Variants in MTSS1 observed in about 807,000 individuals in gnomAD.
The protein encoded by MTSS1 is MTSS I-BAR domain containing 1, also known as protein MTSS 1.
Under a neutral mutation model 79.0 loss-of-function variants are expected in MTSS1, and 18 were observed. That is an observed-to-expected ratio of 0.23 (90% CI 0.16 to 0.34). The LOEUF (loss-of-function observed/expected upper bound fraction) is 0.34, where lower values mean the gene tolerates loss of function less well. Among genes scored for constraint, MTSS1 ranks in the 10% least tolerant of loss-of-function variants. MTSS1 has a pLI of 1.00. For synonymous variants in MTSS1, 341 were observed against 368.6 expected (o/e 0.93, Z 0.86); for missense variants, 815 against 986.2 (o/e 0.83, Z 2.33).
intron 3 of MTSS1, among the ~76,000 whole-genome samples, chr8:124,632,563 G>C (rs761563680): frequency 5.9e-5 from 9 of 152,132 alleles, no homozygotes; most frequent in Non-Finnish European, 1.0e-4. Context: ...CCAGCCAAAG[G>C]GTTGTTGTCA....
rs539245801 is a variant in MTSS1, at chr8:124,668,032, G to A, written c.208+31494C>T. 5.9e-5 allele frequency among the ~76,000 whole-genome samples: 9 copies of A among 152,184 alleles called. No homozygotes were observed. In the East Asian group the frequency reaches 1.2e-3, roughly 20 times the overall value. Reference sequence around the variant, plus strand: ...GAGTTCAGAGGGTCAAGGCTGCAGTGAGCCATGATCGCGCCACTGCACTCC... The same window carrying A: ...GAGTTCAGAGGGTCAAGGCTGCAGTAAGCCATGATCGCGCCACTGCACTCC... On this transcript the variant is annotated intron_variant, in intron 3 of 13. Coordinates refer to ENST00000518547, the MANE Select transcript of MTSS1 (RefSeq NM_014751.6).
intron 9 of MTSS1, chr8:124,563,349 T>G: frequency 3.4e-6 from 1 of 293,570 alleles, no homozygotes; most frequent in Non-Finnish European, 6.5e-6. Context: ...CGAGGGGAGC[T>G]GATGTCAGTA....
At chr8:124,555,971 G>T in intron 12 of MTSS1, 67 bp from the exon 13 acceptor site, 1 of 1,577,876 alleles carries the variant, frequency 6.3e-7, no homozygotes, top group Non-Finnish European at 8.6e-7. Context: ...CTCCTGTTCT[G>T]CCCCCGTGAG....
chr8:124,629,519 A>G (rs1015713236), intron 3 of MTSS1, among the ~76,000 whole-genome samples: 5 of 151,302 alleles, frequency 3.3e-5, no homozygotes, highest in African/African-American at 9.7e-5. Flanking sequence ...AAAAAAAAAA[A>G]AAAAAAAGAA....
At chr8:124,691,407 G>T (rs934601663) in intron 3 of MTSS1, among the ~76,000 whole-genome samples, 5 of 152,150 alleles carry the variant, frequency 3.3e-5, no homozygotes, top group African/African-American at 4.8e-5. Context: ...TGTACTTTAT[G>T]TAAGATTGAG....
intron 3 of MTSS1, among the ~76,000 whole-genome samples, chr8:124,642,623 AC>A (rs1214588021): frequency 6.6e-6 from 1 of 150,972 alleles, no homozygotes; most frequent in Non-Finnish European, 1.5e-5. Flanking sequence ...GATGAGTTTC[AC>A]TCTTGTTGCC....
chr8:124,702,426 G>A (rs896509284), intron 2 of MTSS1, among the ~76,000 whole-genome samples: 4 of 152,174 alleles, frequency 2.6e-5, no homozygotes, highest in African/African-American at 9.7e-5. Context: ...AAGAGCTTAA[G>A]CAGGGCTTAA....
At chr8:124,618,486 C>T (rs1812838194) in intron 3 of MTSS1, among the ~76,000 whole-genome samples, 1 of 152,216 alleles carries the variant, frequency 6.6e-6, no homozygotes, top group Non-Finnish European at 1.5e-5. Flanking sequence ...CATTTTTAAT[C>T]TGCAGTTGAC....
Position 124,553,709 on chromosome 8 carries a change from A to G in MTSS1, c.1568-17T>C, listed in dbSNP as rs759419762. 7.3e-5 allele frequency: 116 copies of G among 1,585,698 alleles called. No homozygotes were observed. The highest frequency in any genetic ancestry group is 9.7e-5 in the Non-Finnish European group (113 of 1,163,040). ...AATCTGAAACTGATTATAGGATTTG[A>G]TTAGACATATTCAAGACAGCAGCTG... On this transcript the variant is annotated splice_polypyrimidine_tract_variant and intron_variant, in intron 13 of 13. Transcript: ENST00000518547. This position sits in a 1 kb window ranked among gnomAD's most constrained non-coding sequence, Gnocchi z 6.0.
At chr8:124,679,236 C>CT (rs1364638509) in intron 3 of MTSS1, among the ~76,000 whole-genome samples, 8 of 152,206 alleles carry the variant, frequency 5.3e-5, no homozygotes, top group Admixed American at 3.9e-4. Context: ...TTATTTAATC[C>CT]TTGCAACTGC....
intron 3 of MTSS1, among the ~76,000 whole-genome samples, chr8:124,651,252 A>T (rs938853142): frequency 6.6e-6 from 1 of 152,234 alleles, no homozygotes; most frequent in African/African-American, 2.4e-5. Flanking sequence ...TTTTTCAAAA[A>T]GACTTCTGGT....
intron 6 of MTSS1, chr8:124,580,566 G>A (rs1360166918): frequency 1.3e-6 from 2 of 1,535,920 alleles, no homozygotes; most frequent in Non-Finnish European, 8.7e-7. Context: ...GTGTCCACTG[G>A]CGGGGGGGCA....
intron 3 of MTSS1, among the ~76,000 whole-genome samples, chr8:124,690,643 A>G (rs757679083): frequency 3.9e-5 from 6 of 152,208 alleles, no homozygotes; most frequent in Non-Finnish European, 7.3e-5. Context: ...ATAAAAGGCC[A>G]CTTGTCAAAT....
intron 6 of MTSS1, among the ~76,000 whole-genome samples, chr8:124,578,605 C>A (rs1387974362): frequency 6.6e-6 from 1 of 151,072 alleles, no homozygotes; most frequent in Non-Finnish European, 1.5e-5. Flanking sequence ...GACCATCCTG[C>A]CTAACATGGC....
chr8:124,583,028 C>T (rs74760497), intron 6 of MTSS1, among the ~76,000 whole-genome samples: 19,200 of 152,100 alleles, frequency 0.13, 1,331 homozygotes, highest in African/African-American at 0.15. Flanking sequence ...TTATAAAGGA[C>T]AGAAATAAAA....
chr8:124,697,591 A>T (rs1184364403), intron 3 of MTSS1, among the ~76,000 whole-genome samples: 1 of 152,082 alleles, frequency 6.6e-6, no homozygotes, highest in Non-Finnish European at 1.5e-5. Context: ...CAAACAAAAA[A>T]AAAACCCTAT....
chr8:124,589,376 G>T (rs1831429845), intron 5 of MTSS1, among the ~76,000 whole-genome samples: 1 of 152,172 alleles, frequency 6.6e-6, no homozygotes, highest in African/African-American at 2.4e-5. Flanking sequence ...TGCCACTGAG[G>T]GATCAGACTA....
chr8:124,706,709 C>A (rs1830434238), intron 1 of MTSS1, among the ~76,000 whole-genome samples: 2 of 152,238 alleles, frequency 1.3e-5, no homozygotes, highest in South Asian at 4.1e-4. Flanking sequence ...GACCTCCATC[C>A]CAAGTGTGTG....
chr8:124,695,354 G>A (rs1336116473), intron 3 of MTSS1, among the ~76,000 whole-genome samples: 1 of 150,866 alleles, frequency 6.6e-6, no homozygotes, highest in Non-Finnish European at 1.5e-5. Flanking sequence ...AAAAATACAT[G>A]TAAAGGCTGT....
Sources: gnomAD v4.1 joint callset for allele counts (sites outside exome capture counted in the v4.1 genomes callset) on GRCh38, gnomAD v4.1.1 for gene constraint, Gnocchi (gnomAD v3.1) non-coding constraint, MANE v1.5 for transcripts, NCBI Gene and HGNC (gene_info 2026-07-23, HGNC 2026-07-21) for gene names.